PCDHA7: variants seen among roughly 807,000 people sequenced by gnomAD.
PCDHA7 encodes the protein protocadherin alpha-7.
A neutral mutation model predicts 57.2 loss-of-function variants in PCDHA7; 37 were observed. The ratio of observed to expected loss-of-function variants is 0.65; its 90% CI spans 0.50 to 0.85. PCDHA7 has a LOEUF of 0.85. Among genes scored for constraint, PCDHA7 ranks in the 40% least tolerant of loss-of-function variants. The probability of loss-of-function intolerance (pLI) is 0.00; values close to 1 mark genes in which losing one functional copy is unlikely to be tolerated. For synonymous variants in PCDHA7, 553 were observed against 558.8 expected (o/e 0.99, Z 0.15); for missense variants, 1,188 against 1,241.8 (o/e 0.96, Z 0.65).
At chr5:141,006,105 G>GT (rs79904017) in intron 3 of PCDHA7, among the ~76,000 whole-genome samples, 4,283 of 143,138 alleles carry the variant, frequency 0.03, 125 homozygotes, top group African/African-American at 0.081. Flanking sequence ...ATGGTAAGGA[G>GT]TTTTTTTTTT....
intron 1 of PCDHA7, chr5:140,928,901 T>A (rs781842258): frequency 6.2e-7 from 1 of 1,614,212 alleles, no homozygotes. Flanking sequence ...TTTGAAGATG[T>A]CTGGGAACCA....
rs2150314975 is a variant in PCDHA7, at chr5:140,841,416, A to G, written c.2355+4678A>G. 6 of 1,613,024 alleles carry G rather than the reference A, an allele frequency of 3.7e-6. No homozygotes were observed. The South Asian group carries it at 6.6e-5, about 18-fold the overall frequency. On this transcript the variant is annotated intron_variant, in intron 1 of 3. Coordinates refer to ENST00000525929, the MANE Select transcript of PCDHA7 (RefSeq NM_018910.3). Reference sequence around the variant, plus strand: ...TGGAAGGTGGGGAGCGGCCAGCTCCACTACTCCGTCCCCGAGGAGGCCAAA... The same window carrying G: ...TGGAAGGTGGGGAGCGGCCAGCTCCGCTACTCCGTCCCCGAGGAGGCCAAA...
chr5:140,839,264 A>G (rs1213155115), intron 1 of PCDHA7, among the ~76,000 whole-genome samples: 2 of 152,102 alleles, frequency 1.3e-5, no homozygotes, highest in African/African-American at 4.8e-5. Context: ...ACATGCATGT[A>G]TATTTAAAAC....
At chr5:140,863,049 G>A (rs781969311) in intron 1 of PCDHA7, 1 of 561,608 alleles carries the variant, frequency 1.8e-6, no homozygotes, top group Non-Finnish European at 3.5e-6. Flanking sequence ...TCAGCTGGCA[G>A]CACCCGTTCC....
intron 3 of PCDHA7, among the ~76,000 whole-genome samples, chr5:140,993,826 C>T (rs1401311421): frequency 1.3e-5 from 2 of 152,134 alleles, no homozygotes; most frequent in African/African-American, 4.8e-5. Context: ...ATAGGCTATA[C>T]CATATAGCCT....
In PCDHA7 at chr5:140,923,554, G is replaced by T. The variant is rs117642898; in HGVS notation, c.2356-55395G>T. Among the ~76,000 whole-genome samples the T allele has an allele frequency of 6.2e-4, 95 of 152,226 alleles. No individual in the cohort carries two copies. The East Asian group carries it at 0.017, about 28-fold the overall frequency. On this transcript the variant is annotated intron_variant, in intron 1 of 3. Coordinates refer to ENST00000525929, the MANE Select transcript of PCDHA7 (RefSeq NM_018910.3). ...AAAAAAAGGACAAAATGAAATATCA[G>T]CAATGAAAGGTCCTGCTAAAGAGAA...
chr5:140,841,457 G>T (rs2150315897), intron 1 of PCDHA7: 1 of 1,612,920 alleles, frequency 6.2e-7, no homozygotes, highest in South Asian at 1.1e-5. Flanking sequence ...CACCTTCGTG[G>T]GCCGGATCGC....
At position 140,998,856 on chromosome 5, in the gene PCDHA7, C is replaced by T. The variant is rs77103467; in HGVS notation, c.2504-10771C>T. 2.6e-3 allele frequency among the ~76,000 whole-genome samples: 397 copies of T among 152,354 alleles called. 2 individuals carry two copies. Among genetic ancestry groups the T allele is most frequent in the African/African-American group, 9.1e-3 (380 of 41,584 alleles). ...TGGATTACTGGTGTGAGCCACATGC[C>T]TGGCCTTGTAAATAATAAGTTTAGT... On this transcript the variant is annotated intron_variant, in intron 3 of 3. Coordinates refer to ENST00000525929, the MANE Select transcript of PCDHA7 (RefSeq NM_018910.3).
At chr5:140,920,855 A>AC (rs1163764054) in intron 1 of PCDHA7, among the ~76,000 whole-genome samples, 5 of 151,976 alleles carry the variant, frequency 3.3e-5, no homozygotes, top group African/African-American at 4.8e-5. Context: ...AAAAAAAAAA[A>AC]AAACAAACAA....
At chr5:140,989,462 G>A (rs531421005) in intron 3 of PCDHA7, among the ~76,000 whole-genome samples, 27 of 152,326 alleles carry the variant, frequency 1.8e-4, no homozygotes, top group Non-Finnish European at 2.9e-4. Context: ...GTTAGGCTTG[G>A]AACTCCTCCT....
At chr5:140,946,477 T>C (rs1223421073) in intron 1 of PCDHA7, among the ~76,000 whole-genome samples, 2 of 151,720 alleles carry the variant, frequency 1.3e-5, no homozygotes, top group Non-Finnish European at 2.9e-5. Flanking sequence ...ACTGGGTATA[T>C]ATCCAAAGGA....
intron 1 of PCDHA7, chr5:140,862,524 C>T: frequency 4.8e-6 from 2 of 417,532 alleles, no homozygotes; most frequent in Middle Eastern, 9.1e-4. Context: ...TTGTTGGCCA[C>T]AGCCATCGGG....
Position 140,871,064 on chromosome 5 carries a change from G to A in PCDHA7, c.2355+34326G>A, listed in dbSNP as rs369373152. The A allele has an allele frequency of 5.6e-6, 9 of 1,613,116 alleles. No individual in the cohort carries two copies. Among genetic ancestry groups the A allele is most frequent in the Middle Eastern group, 1.6e-4 (1 of 6,084 alleles). ...CTTCTAGTACTGGTGAAGGATCACG[G>A]TGAGCCGGCGCTGACGGCCACGGCC... On this transcript the variant is annotated intron_variant, in intron 1 of 3. Coordinates refer to ENST00000525929, the MANE Select transcript of PCDHA7 (RefSeq NM_018910.3).
chr5:140,863,068 C>A, intron 1 of PCDHA7: 1 of 567,906 alleles, frequency 1.8e-6, no homozygotes. Context: ...CCACGTGGGG[C>A]TCTGCACGGG....
chr5:140,899,788 C>T (rs1260643506), intron 1 of PCDHA7, among the ~76,000 whole-genome samples: 3 of 152,054 alleles, frequency 2.0e-5, no homozygotes, highest in Admixed American at 6.6e-5. Context: ...TGGTATAATT[C>T]GGCTGTGAAT....
chr5:140,945,153 C>T (rs996541335), intron 1 of PCDHA7, among the ~76,000 whole-genome samples: 1 of 152,064 alleles, frequency 6.6e-6, no homozygotes, highest in African/African-American at 2.4e-5. Flanking sequence ...TTTCTATACA[C>T]TATTGAACTA....
At chr5:140,936,681 T>G (rs781812048) in intron 1 of PCDHA7, among the ~76,000 whole-genome samples, 3 of 152,246 alleles carry the variant, frequency 2.0e-5, no homozygotes, top group African/African-American at 2.4e-5. Flanking sequence ...CTATTCTGTT[T>G]CATTGGTCAA....
chr5:140,926,828 C>T (rs2083578925), intron 1 of PCDHA7: 1 of 1,501,376 alleles, frequency 6.7e-7, no homozygotes, highest in African/African-American at 1.4e-5. Flanking sequence ...TCCAGGAGTC[C>T]GGAGCATGGT....
chr5:140,982,447 C>T (rs782801484), intron 2 of PCDHA7, 28 bp from the exon 3 acceptor site: 5 of 1,613,664 alleles, frequency 3.1e-6, no homozygotes, highest in Admixed American at 3.3e-5. Flanking sequence ...ATGATCTAAC[C>T]GTTATCTGGG....
Sources: allele counts gnomAD v4.1 joint callset (sites outside exome capture counted in the v4.1 genomes callset), GRCh38; gene constraint gnomAD v4.1.1; transcripts MANE v1.5; gene names NCBI Gene and HGNC (gene_info 2026-07-23, HGNC 2026-07-21).